The following ENTREP2 variants were observed in gnomAD, a reference collection of about 807,000 sequenced individuals.
ENTREP2 encodes protein ENTREP2.
the ENTREP2 span, among the ~76,000 whole-genome samples, chr15:29,422,509 G>C: frequency 6.6e-6 from 1 of 152,152 alleles, no homozygotes; most frequent in Non-Finnish European, 1.5e-5. Flanking sequence ...AGTTTGTAGG[G>C]GGAAAGTCAG....
the ENTREP2 span, among the ~76,000 whole-genome samples, chr15:29,441,787 T>C: frequency 3.9e-5 from 6 of 152,158 alleles, no homozygotes; most frequent in Non-Finnish European, 7.3e-5. Flanking sequence ...TTTGCTGGCA[T>C]TGTCATATGG....
chr15:29,566,141 T>C, the ENTREP2 span, among the ~76,000 whole-genome samples: 1 of 151,796 alleles, frequency 6.6e-6, no homozygotes, highest in Admixed American at 6.6e-5. Flanking sequence ...TATGTGTGTG[T>C]ATATATATTT....
At chr15:29,296,790 T>A in the ENTREP2 span, among the ~76,000 whole-genome samples, 1 of 152,064 alleles carries the variant, frequency 6.6e-6, no homozygotes, top group African/African-American at 2.4e-5. Context: ...ATTGGTCAAA[T>A]CAGAGCTTTC....
chr15:29,161,845 G>A, the ENTREP2 span, among the ~76,000 whole-genome samples: 10 of 152,168 alleles, frequency 6.6e-5, no homozygotes, highest in Admixed American at 2.6e-4. Context: ...GCTCTGAACA[G>A]AGCAATGTGC....
the ENTREP2 span, among the ~76,000 whole-genome samples, chr15:29,218,839 C>T: frequency 4.5e-4 from 69 of 152,276 alleles, no homozygotes; most frequent in Admixed American, 1.3e-3. Flanking sequence ...AGACTTAAAT[C>T]TAAGACCTGA....
the ENTREP2 span, among the ~76,000 whole-genome samples, chr15:29,387,881 A>G: frequency 6.6e-6 from 1 of 152,262 alleles, no homozygotes; most frequent in African/African-American, 2.4e-5. Context: ...AGGATTCCCT[A>G]TTTAAAAATG....
chr15:29,513,129 G>T, the ENTREP2 span, among the ~76,000 whole-genome samples: 1 of 152,104 alleles, frequency 6.6e-6, no homozygotes, highest in South Asian at 2.1e-4. Flanking sequence ...TTAAAGAAAA[G>T]CTGTTTTCCA....
At chr15:29,418,524 C>T in the ENTREP2 span, among the ~76,000 whole-genome samples, 1 of 152,150 alleles carries the variant, frequency 6.6e-6, no homozygotes, top group African/African-American at 2.4e-5. Flanking sequence ...TAGGCTAGGG[C>T]AGCTAGGGGA....
At chr15:29,403,784 A>C in the ENTREP2 span, among the ~76,000 whole-genome samples, 2 of 152,100 alleles carry the variant, frequency 1.3e-5, no homozygotes, top group Non-Finnish European at 2.9e-5. Flanking sequence ...CTTAGCCCCA[A>C]AGCAGGCTCC....
chr15:29,172,535 A>G, the ENTREP2 span, among the ~76,000 whole-genome samples: 2 of 152,124 alleles, frequency 1.3e-5, no homozygotes, highest in South Asian at 4.2e-4. Flanking sequence ...GCAGGTGCCC[A>G]TTGCTGGAGT....
the ENTREP2 span, among the ~76,000 whole-genome samples, chr15:29,544,988 A>T: frequency 2.0e-5 from 3 of 152,194 alleles, no homozygotes; most frequent in Admixed American, 2.0e-4. Context: ...ATGCCTCCAA[A>T]AAGATTTCAT....
the ENTREP2 span, among the ~76,000 whole-genome samples, chr15:29,224,121 G>A: frequency 6.6e-6 from 1 of 152,118 alleles, no homozygotes; most frequent in Admixed American, 6.5e-5. Flanking sequence ...TGCGTTCACA[G>A]TTTCTTCCTT....
the ENTREP2 span, among the ~76,000 whole-genome samples, chr15:29,351,803 A>C: frequency 1.8e-4 from 26 of 147,884 alleles, no homozygotes; most frequent in Admixed American, 4.0e-4. Context: ...GCCACCACAC[A>C]CAGCTTTTTT....
chr15:29,280,307 T>C, the ENTREP2 span, among the ~76,000 whole-genome samples: 2 of 152,162 alleles, frequency 1.3e-5, no homozygotes, highest in South Asian at 4.1e-4. Context: ...AGAAACCTAA[T>C]GTGAAAGGAA....
chr15:29,381,759 C>T, the ENTREP2 span: 8 of 1,550,048 alleles, frequency 5.2e-6, no homozygotes, highest in Non-Finnish European at 5.2e-6. Context: ...CACCTGGAGA[C>T]GCAGGTGCCA....
the ENTREP2 span, among the ~76,000 whole-genome samples, chr15:29,244,659 T>G: frequency 6.6e-6 from 1 of 152,142 alleles, no homozygotes; most frequent in East Asian, 1.9e-4. Context: ...AAAAGTGTTA[T>G]AAAAACAACT....
the ENTREP2 span, among the ~76,000 whole-genome samples, chr15:29,470,379 C>T: frequency 1.3e-5 from 2 of 152,198 alleles, no homozygotes; most frequent in Admixed American, 6.5e-5. Flanking sequence ...GGTGAGAGTA[C>T]ATTTACCTGC....
chr15:29,272,527 T>C, the ENTREP2 span, among the ~76,000 whole-genome samples: 2 of 152,126 alleles, frequency 1.3e-5, no homozygotes, highest in African/African-American at 4.8e-5. Flanking sequence ...GTTCATAAAT[T>C]TGGAAAGAGC....
the ENTREP2 span, among the ~76,000 whole-genome samples, chr15:29,332,168 A>T: frequency 6.6e-6 from 1 of 152,260 alleles, no homozygotes; most frequent in African/African-American, 2.4e-5. Flanking sequence ...GAGGTCGAAG[A>T]AAGTTGTTAA....
Sources: gnomAD v4.1 joint callset for allele counts (sites outside exome capture counted in the v4.1 genomes callset) on GRCh38, gnomAD v4.1.1 for gene constraint, MANE v1.5 for transcripts, NCBI Gene and HGNC (gene_info 2026-07-23, HGNC 2026-07-21) for gene names.